ZFHX3: variants seen among roughly 807,000 people sequenced by gnomAD.
ZFHX3 encodes zinc finger homeobox protein 3.
In ZFHX3, 42 loss-of-function variants were observed where a neutral mutation model predicts 279.1. The ratio of observed to expected loss-of-function variants is 0.15; its 90% CI spans 0.12 to 0.19. The LOEUF (loss-of-function observed/expected upper bound fraction) is 0.19. ZFHX3 is among the 10% of genes least tolerant of loss of function. ZFHX3 has a pLI of 1.00. For synonymous variants in ZFHX3, 2,293 were observed against 1,957.8 expected (o/e 1.17, Z -4.52); for missense variants, 4,981 against 4,754.0 (o/e 1.05, Z -1.40).
chr16:72,996,268 G>A (rs544460927), intron 1 of ZFHX3, among the ~76,000 whole-genome samples: 2 of 152,264 alleles, frequency 1.3e-5, no homozygotes, highest in Admixed American at 6.5e-5. Flanking sequence ...TGGTGACAGA[G>A]CAAGACTCCA....
intron 2 of ZFHX3, among the ~76,000 whole-genome samples, chr16:73,527,536 C>A (rs1173163237): frequency 2.6e-5 from 4 of 152,176 alleles, no homozygotes; most frequent in Non-Finnish European, 5.9e-5. Context: ...ATGTCACTCC[C>A]TCCCCTTGAG....
At chr16:73,724,170 T>A (rs2053498943) in intron 1 of ZFHX3, among the ~76,000 whole-genome samples, 1 of 152,236 alleles carries the variant, frequency 6.6e-6, no homozygotes, top group South Asian at 2.1e-4. Flanking sequence ...AGGTTGGTGA[T>A]AATAAATAGT....
chr16:73,548,600 C>T (rs1182173476), intron 2 of ZFHX3, among the ~76,000 whole-genome samples: 2 of 151,296 alleles, frequency 1.3e-5, no homozygotes, highest in Non-Finnish European at 1.5e-5. Flanking sequence ...AAATAACCCA[C>T]ATAAATATGT....
chr16:73,351,335 C>T (rs534631502), intron 3 of ZFHX3, among the ~76,000 whole-genome samples: 15 of 152,158 alleles, frequency 9.9e-5, no homozygotes, highest in Non-Finnish European at 1.9e-4. Flanking sequence ...AGTGGCTTTC[C>T]GAACAAACAC....
At chr16:72,912,655 G>A (rs1194088568) in intron 3 of ZFHX3, among the ~76,000 whole-genome samples, 7 of 152,092 alleles carry the variant, frequency 4.6e-5, no homozygotes, top group African/African-American at 9.7e-5. Flanking sequence ...GGATAGGAGC[G>A]AATGGGGAGC....
At chr16:73,866,124 T>C (rs1255058837) in intron 1 of ZFHX3, among the ~76,000 whole-genome samples, 2 of 146,246 alleles carry the variant, frequency 1.4e-5, no homozygotes, top group African/African-American at 5.0e-5. Flanking sequence ...CACCACAGCC[T>C]ACCAAGTAGC....
At chr16:73,823,580 G>T (rs1597132099) in intron 1 of ZFHX3, among the ~76,000 whole-genome samples, 1 of 152,216 alleles carries the variant, frequency 6.6e-6, no homozygotes, top group Non-Finnish European at 1.5e-5. Flanking sequence ...GCCACTGCCT[G>T]TTTTTGTAAA....
chr16:73,089,143 G>A (rs959844350), intron 8 of ZFHX3, among the ~76,000 whole-genome samples: 4 of 151,422 alleles, frequency 2.6e-5, no homozygotes, highest in East Asian at 1.9e-4. Context: ...TTGCTCTGTC[G>A]CCCAGGCTGG....
intron 1 of ZFHX3, among the ~76,000 whole-genome samples, chr16:72,989,525 T>C (rs535828458): frequency 6.7e-6 from 1 of 150,336 alleles, no homozygotes; most frequent in African/African-American, 2.4e-5. Flanking sequence ...CACCAGCCAA[T>C]GCGAGAAGCA....
rs202071159 is a variant in ZFHX3 at position 72,959,616 on chromosome 16, G to C, written c.530C>G (p.Ala177Gly). The C allele has an allele frequency of 1.2e-6, 2 of 1,614,080 alleles. No homozygotes were observed. The highest frequency in any genetic ancestry group is 1.7e-6 in the Non-Finnish European group (2 of 1,180,034). The change falls in exon 2 of 10, where the codon GCG (alanine) becomes GGG (glycine). Residue 177 changes from alanine to glycine, a missense_variant. Ala to Gly is a moderately conservative substitution (Grantham distance 60). Coordinates refer to ENST00000268489, the MANE Select transcript of ZFHX3 (RefSeq NM_006885.4). ...CGAAGGGTCCCCTTGCTTGCCCCCCGCGCCAGGGAGAGAGTTCAGGAAAAG... is the reference window on the plus strand; with the variant it reads ...CGAAGGGTCCCCTTGCTTGCCCCCCCCGCCAGGGAGAGAGTTCAGGAAAAG... ...PSLFLNSLPG[A>G]GGKQGDPSCA... is the part of the protein sequence containing the mutation.
intron 2 of ZFHX3, among the ~76,000 whole-genome samples, chr16:73,622,771 GC>G (rs2052376963): frequency 6.6e-6 from 1 of 152,094 alleles, no homozygotes; most frequent in East Asian, 1.9e-4. Context: ...AGGGCACCCT[GC>G]AAGAGGGACC....
intron 4 of ZFHX3, among the ~76,000 whole-genome samples, chr16:72,858,004 C>A (rs780539188): frequency 6.6e-6 from 1 of 152,194 alleles, no homozygotes; most frequent in Non-Finnish European, 1.5e-5. Flanking sequence ...GCCTGAAAGG[C>A]GGGGCAGCCA....
chr16:73,353,816 A>G (rs982588530), intron 3 of ZFHX3, among the ~76,000 whole-genome samples: 1 of 152,244 alleles, frequency 6.6e-6, no homozygotes, highest in Non-Finnish European at 1.5e-5. Context: ...GGAAAAAGAT[A>G]AATACGTTAT....
intron 1 of ZFHX3, among the ~76,000 whole-genome samples, chr16:72,967,166 C>CT (rs959995381): frequency 1.3e-5 from 2 of 152,154 alleles, no homozygotes; most frequent in Admixed American, 6.5e-5. Flanking sequence ...CATTCCTTTT[C>CT]TTTTTTTCTC....
chr16:73,594,763 A>G (rs1350907844), intron 2 of ZFHX3, among the ~76,000 whole-genome samples: 1 of 152,230 alleles, frequency 6.6e-6, no homozygotes, highest in Non-Finnish European at 1.5e-5. Context: ...TGTAGTTCCA[A>G]ATATTTTCTA....
intron 5 of ZFHX3, among the ~76,000 whole-genome samples, chr16:72,819,120 G>T (rs974721027): frequency 3.3e-5 from 5 of 152,138 alleles, no homozygotes; most frequent in Non-Finnish European, 7.3e-5. Flanking sequence ...GAGGACCCAT[G>T]TACACTTCAC....
chr16:73,488,832 C>T (rs1300115215), intron 2 of ZFHX3, among the ~76,000 whole-genome samples: 3 of 152,134 alleles, frequency 2.0e-5, no homozygotes, highest in Admixed American at 6.5e-5. Flanking sequence ...AGATGAAGAG[C>T]GTTTGTTCTA....
chr16:72,844,532 G>T (rs1403913280), intron 4 of ZFHX3, among the ~76,000 whole-genome samples: 1 of 150,472 alleles, frequency 6.6e-6, no homozygotes, highest in Non-Finnish European at 1.5e-5. Context: ...TCCAGGAAAT[G>T]TATTTTAAGG....
At chr16:73,209,697 A>G (rs1490778819) in intron 5 of ZFHX3, among the ~76,000 whole-genome samples, 1 of 152,220 alleles carries the variant, frequency 6.6e-6, no homozygotes. Flanking sequence ...TTGGTTTAAC[A>G]GAAGGATGCT....
Sources: gnomAD v4.1 joint callset for allele counts (sites outside exome capture counted in the v4.1 genomes callset) on GRCh38, gnomAD v4.1.1 for gene constraint, MANE v1.5 for transcripts, NCBI Gene and HGNC (gene_info 2026-07-23, HGNC 2026-07-21) for gene names.